Variants in AGMO observed in about 807,000 individuals in gnomAD.
The protein encoded by AGMO is alkylglycerol monooxygenase, also known as glyceryl-ether monooxygenase.
A neutral mutation model predicts 60.2 loss-of-function variants in AGMO; 75 were observed. The observed-to-expected ratio is 1.25, with a 90% CI of 1.03 to 1.51. AGMO has a LOEUF of 1.51. Among genes scored for constraint, AGMO ranks in the 40% most tolerant of loss-of-function variants. The pLI is 0.00. For missense variants in AGMO, 763 were observed against 525.5 expected, an observed-to-expected ratio of 1.45 and a Z score of -4.42; for synonymous variants, 261 against 177.1, an observed-to-expected ratio of 1.47 and a Z score of -3.76.
chr7:15,480,006 A>C (rs1477697462), intron 3 of AGMO, among the ~76,000 whole-genome samples: 4 of 152,142 alleles, frequency 2.6e-5, no homozygotes, highest in African/African-American at 9.7e-5. Flanking sequence ...TAGGAAAGTT[A>C]CTCTGCTTTG....
downstream of AGMO, among the ~76,000 whole-genome samples, chr7:15,196,197 A>C (rs574010054): frequency 2.7e-5 from 4 of 149,946 alleles, no homozygotes; most frequent in African/African-American, 7.3e-5. Flanking sequence ...CACCACCACC[A>C]CATCTGGATA....
intron 4 of AGMO, among the ~76,000 whole-genome samples, chr7:15,425,503 C>T (rs955334628): frequency 1.4e-4 from 21 of 151,322 alleles, no homozygotes; most frequent in Non-Finnish European, 2.7e-4. Flanking sequence ...GGAGCCACCA[C>T]GAATAACTGT....
At chr7:15,124,230 T>G in the AGMO span, among the ~76,000 whole-genome samples, 1 of 151,836 alleles carries the variant, frequency 6.6e-6, no homozygotes, top group African/African-American at 2.4e-5. Context: ...AGAATTACTC[T>G]TTGTTTCATG....
the AGMO span, among the ~76,000 whole-genome samples, chr7:15,152,484 C>G: frequency 1.3e-5 from 2 of 152,148 alleles, no homozygotes; most frequent in Admixed American, 6.5e-5. Flanking sequence ...AGTCTTTTGT[C>G]TCTCAACCCC....
At chr7:15,394,766 C>T (rs181646543) in intron 5 of AGMO, among the ~76,000 whole-genome samples, 4 of 152,278 alleles carry the variant, frequency 2.6e-5, no homozygotes, top group South Asian at 2.1e-4. Flanking sequence ...CAGTAATCTA[C>T]GGCATTAGGG....
chr7:15,318,345 T>C lies in AGMO; in HGVS notation c.1263+47169A>G, dbSNP rs114259828. 1.0e-3 allele frequency among the ~76,000 whole-genome samples: 157 copies of C among 152,266 alleles called. 1 individual carries two copies. The highest frequency in any genetic ancestry group is 3.4e-3 in the African/African-American group (140 of 41,544). On this transcript the variant is annotated intron_variant, in intron 12 of 12. Coordinates refer to ENST00000342526, the MANE Select transcript of AGMO (RefSeq NM_001004320.2). Reference sequence around the variant, plus strand: ...TATGAAGTCTTGGCATTATTCTTTATATGAGTTCTATTCTGATAAAAGGTC... The same window carrying C: ...TATGAAGTCTTGGCATTATTCTTTACATGAGTTCTATTCTGATAAAAGGTC...
intron 12 of AGMO, among the ~76,000 whole-genome samples, chr7:15,295,257 G>C (rs1784377545): frequency 6.6e-6 from 1 of 151,616 alleles, no homozygotes; most frequent in African/African-American, 2.4e-5. Context: ...AGAATTAATG[G>C]ACCAAAAAAG....
At chr7:15,438,389 T>C (rs1156406563) in intron 3 of AGMO, among the ~76,000 whole-genome samples, 1 of 152,210 alleles carries the variant, frequency 6.6e-6, no homozygotes, top group African/African-American at 2.4e-5. Flanking sequence ...TAGATATTTA[T>C]ATAGTTTCCA....
chr7:15,158,544 A>G, the AGMO span, among the ~76,000 whole-genome samples: 1 of 152,226 alleles, frequency 6.6e-6, no homozygotes, highest in Non-Finnish European at 1.5e-5. Context: ...TTTCCCATGC[A>G]TGAGTCTTAC....
the AGMO span, among the ~76,000 whole-genome samples, chr7:15,161,853 A>C: frequency 6.6e-6 from 1 of 151,998 alleles, no homozygotes; most frequent in Non-Finnish European, 1.5e-5. Context: ...GATGAACAAG[A>C]CATTGTTCTT....
chr7:15,455,352 A>G, intron 3 of AGMO, among the ~76,000 whole-genome samples: 1 of 152,116 alleles, frequency 6.6e-6, no homozygotes, highest in East Asian at 1.9e-4. Context: ...ATATTCAAAT[A>G]TATCCACAGT....
chr7:15,218,935 C>T (rs6977792), intron 12 of AGMO, among the ~76,000 whole-genome samples: 4,989 of 152,140 alleles, frequency 0.033, 286 homozygotes, highest in African/African-American at 0.11. Context: ...GAATCTTATT[C>T]AATGACTTTG....
At chr7:15,446,490 G>A (rs1180695262) in intron 3 of AGMO, among the ~76,000 whole-genome samples, 1 of 152,182 alleles carries the variant, frequency 6.6e-6, no homozygotes, top group Non-Finnish European at 1.5e-5. Flanking sequence ...ATGTGAAGAA[G>A]ATTAACTGTA....
rs141378750 is a variant in AGMO at position 15,292,060 on chromosome 7, A to G, written c.1263+73454T>C. 8.2e-3 allele frequency among the ~76,000 whole-genome samples: 619 copies of G among 75,624 alleles called. 3 individuals carry two copies. The highest frequency in any genetic ancestry group is 0.011 in the Non-Finnish European group (455 of 40,210). The allele number at this position is 75,624 out of a possible 152,430, so 49.6% of individuals were successfully genotyped here. A position where few individuals can be genotyped will look rare whatever the true frequency, so the allele number is the denominator to read the frequency against. ...GAATTTAGACTATAATCTGCAGACA[A>G]TGAGGAGTCAAAGATTTTTTTACAA... On this transcript the variant is annotated intron_variant, in intron 12 of 12. Coordinates refer to ENST00000342526, the MANE Select transcript of AGMO (RefSeq NM_001004320.2).
intron 3 of AGMO, among the ~76,000 whole-genome samples, chr7:15,543,559 T>A (rs1784688654): frequency 6.6e-6 from 1 of 152,098 alleles, no homozygotes; most frequent in Non-Finnish European, 1.5e-5. Flanking sequence ...TGAATTGAAC[T>A]TACTATAATA....
the AGMO span, among the ~76,000 whole-genome samples, chr7:15,143,763 C>A: frequency 6.6e-6 from 1 of 150,710 alleles, no homozygotes; most frequent in Non-Finnish European, 1.5e-5. Flanking sequence ...GAACAGCTTG[C>A]TCCTTAAAAC....
At chr7:15,193,711 T>C in the AGMO span, among the ~76,000 whole-genome samples, 1 of 152,160 alleles carries the variant, frequency 6.6e-6, no homozygotes, top group African/African-American at 2.4e-5. Context: ...GATCTCCAAC[T>C]AGTTCTAAAC....
chr7:15,497,291 T>C (rs1783258562), intron 3 of AGMO, among the ~76,000 whole-genome samples: 2 of 152,068 alleles, frequency 1.3e-5, no homozygotes, highest in Non-Finnish European at 2.9e-5. Flanking sequence ...ATTTGAACAG[T>C]GACTTGTCAA....
chr7:15,492,426 G>A (rs761798966), intron 3 of AGMO, among the ~76,000 whole-genome samples: 11 of 150,238 alleles, frequency 7.3e-5, no homozygotes, highest in East Asian at 5.9e-4. Flanking sequence ...TAGACTTTCC[G>A]CAGGGCTATA....
Sources: gnomAD v4.1 joint callset for allele counts (sites outside exome capture counted in the v4.1 genomes callset) on GRCh38, gnomAD v4.1.1 for gene constraint, MANE v1.5 for transcripts, NCBI Gene and HGNC (gene_info 2026-07-23, HGNC 2026-07-21) for gene names.